The following WDFY4 variants were observed in gnomAD, a reference collection of about 807,000 sequenced individuals.
WDFY4 encodes WDFY family member 4.
In WDFY4, 169 loss-of-function variants were observed where a neutral mutation model predicts 351.9. The ratio of observed to expected loss-of-function variants is 0.48; its 90% CI spans 0.42 to 0.55. WDFY4 has a LOEUF of 0.55. Ranked by LOEUF, WDFY4 falls within the 20% of genes least tolerant of loss-of-function variation. The pLI is 0.00. For synonymous variants in WDFY4, 1,622 were observed against 1,574.6 expected, an observed-to-expected ratio of 1.03 and a Z score of -0.71; for missense variants, 3,803 against 3,935.6, an observed-to-expected ratio of 0.97 and a Z score of 0.90.
chr10:48,943,575 A>C, intron 49 of WDFY4, 126 bp downstream of exon 49: 1 of 958,188 alleles, frequency 1.0e-6, no homozygotes, highest in Non-Finnish European at 1.5e-6. Flanking sequence ...ACCTGGGCCT[A>C]AAGGCTGCTG....
chr10:48,943,814 C>T (rs1840907555), intron 49 of WDFY4, among the ~76,000 whole-genome samples: 1 of 152,234 alleles, frequency 6.6e-6, no homozygotes. Flanking sequence ...AGGCTGGTCT[C>T]GAACTCCTGA....
rs533048924 is a variant in WDFY4 at position 48,819,386 on chromosome 10, C to T, written c.5506-848C>T. Among the ~76,000 whole-genome samples, 19 of 152,316 alleles carry T rather than the reference C, an allele frequency of 1.2e-4. No homozygotes were observed. The South Asian group carries it at 3.9e-3, about 32-fold the overall frequency. ...TGGCATCTTTCCAATCAAGGCCGCA[C>T]GGAGCTAATTAATGCAGTCACTACC... On this transcript the variant is annotated intron_variant, in intron 32 of 61. Coordinates refer to ENST00000325239, the MANE Select transcript of WDFY4 (RefSeq NM_001394531.1).
intron 49 of WDFY4, among the ~76,000 whole-genome samples, chr10:48,943,957 C>A (rs1239637412): frequency 1.3e-5 from 2 of 152,158 alleles, no homozygotes; most frequent in Non-Finnish European, 2.9e-5. Context: ...GTCCTGGATC[C>A]CCCTGTGGAA....
chr10:48,736,046 G>A lies in WDFY4; in HGVS notation c.1854G>A (p.Leu618=), dbSNP rs1423080198. 6.4e-7 allele frequency: 1 copy of A among 1,551,690 alleles called. No homozygotes were observed. Among genetic ancestry groups the A allele is most frequent in the African/African-American group, 1.4e-5 (1 of 73,064 alleles). Residue 618 remains leucine (L), a synonymous_variant, in exon 11 of 62, where the codon CTG becomes CTA. Coordinates refer to ENST00000325239, the MANE Select transcript of WDFY4 (RefSeq NM_001394531.1). Reference sequence around the variant, plus strand: ...TATGCTCATCCACTCAAGGGGAGCTGCAGCTGAAACTGGATCTCCTGAAGG... The same window carrying A: ...TATGCTCATCCACTCAAGGGGAGCTACAGCTGAAACTGGATCTCCTGAAGG... The part of the protein sequence containing the change: ...GALCSSTQGE[L]QLKLDLLKSL...
intron 2 of WDFY4, among the ~76,000 whole-genome samples, 154 bp from the exon 3 acceptor site, chr10:48,719,857 G>T (rs2132267307): frequency 6.6e-6 from 1 of 152,338 alleles, no homozygotes. Context: ...GATGGTTGAG[G>T]CTGTGAGGGT....
intron 1 of WDFY4, among the ~76,000 whole-genome samples, chr10:48,692,353 T>C (rs1326902073): frequency 6.6e-6 from 1 of 152,048 alleles, no homozygotes; most frequent in Non-Finnish European, 1.5e-5. Flanking sequence ...ACAGTGCCCC[T>C]AGGTGAGTCT....
At chr10:48,871,654 T>C (rs1413890946) in intron 40 of WDFY4, among the ~76,000 whole-genome samples, 1 of 152,180 alleles carries the variant, frequency 6.6e-6, no homozygotes, top group Non-Finnish European at 1.5e-5. Context: ...TCTTTAATTT[T>C]TTTGTAGAGA....
At chr10:48,817,070 A>G (rs2067644276) in intron 31 of WDFY4, among the ~76,000 whole-genome samples, 175 bp from the exon 32 acceptor site, 1 of 152,246 alleles carries the variant, frequency 6.6e-6, no homozygotes, top group Non-Finnish European at 1.5e-5. Context: ...ACGTCTGCAC[A>G]TATTAAACCC....
At chr10:48,686,028 G>T (rs558078396) in intron 1 of WDFY4, among the ~76,000 whole-genome samples, 1 of 152,172 alleles carries the variant, frequency 6.6e-6, no homozygotes, top group African/African-American at 2.4e-5. Context: ...AGGAGACCTC[G>T]TGGAGGTTGG....
chr10:48,969,327 A>G lies in WDFY4; in HGVS notation c.8769+79A>G, dbSNP rs993395033. ...CTGGAGGCAGAGATGGCCCAGAGATAAGTGAGTCCAAAGCAACCTCGCTCA... is the reference window on the plus strand; with the variant it reads ...CTGGAGGCAGAGATGGCCCAGAGATGAGTGAGTCCAAAGCAACCTCGCTCA... On this transcript the variant is annotated intron_variant, in intron 56 of 61. Transcript: ENST00000325239. 6.5e-5 allele frequency: 97 copies of G among 1,497,212 alleles called. No individual in the cohort carries two copies. In the African/African-American group the frequency reaches 1.3e-3, roughly 19 times the overall value. The allele number at this position is 1,497,212 out of a possible 1,614,324, so 92.7% of individuals were successfully genotyped here.
chr10:48,979,455 C>T (rs1396862254), intron 60 of WDFY4, among the ~76,000 whole-genome samples: 2 of 152,220 alleles, frequency 1.3e-5, no homozygotes, highest in South Asian at 2.1e-4. Context: ...CAAATGCCCA[C>T]TTTTGAAGCT....
At chr10:48,955,405 C>T (rs940145248) in intron 51 of WDFY4, among the ~76,000 whole-genome samples, 2 of 152,234 alleles carry the variant, frequency 1.3e-5, no homozygotes, top group African/African-American at 4.8e-5. Flanking sequence ...CCATGACCCT[C>T]AAGATGTCCA....
intron 34 of WDFY4, among the ~76,000 whole-genome samples, chr10:48,821,743 T>C (rs1482810257): frequency 6.6e-6 from 1 of 152,194 alleles, no homozygotes; most frequent in African/African-American, 2.4e-5. Context: ...GACTTCTCCT[T>C]GCCTCCTACT....
rs2064080040 is a variant in WDFY4, at chr10:48,721,283, A to G, written c.372A>G (p.Gly124=). 5 of 1,551,474 alleles carry G rather than the reference A, an allele frequency of 3.2e-6. No individual in the cohort carries two copies. Among genetic ancestry groups the G allele is most frequent in the Non-Finnish European group, 4.4e-6 (5 of 1,146,972 alleles). ...CAGAGCAAGCTCGGTTGGCAGCTGGACAGTTGCTGTGGTGGAAGGGGGACG... is the reference window on the plus strand; with the variant it reads ...CAGAGCAAGCTCGGTTGGCAGCTGGGCAGTTGCTGTGGTGGAAGGGGGACG... The part of the protein sequence containing the change: ...KPAEQARLAA[G]QLLWWKGDVD... Residue 124 remains glycine, a synonymous_variant, in exon 4 of 62, where the codon GGA becomes GGG. Coordinates refer to ENST00000325239, the MANE Select transcript of WDFY4 (RefSeq NM_001394531.1).
intron 47 of WDFY4, among the ~76,000 whole-genome samples, chr10:48,924,724 C>T (rs1481033176): frequency 6.6e-6 from 1 of 152,128 alleles, no homozygotes; most frequent in East Asian, 1.9e-4. Flanking sequence ...TGGTGGGATA[C>T]CCCATGGATA....
At chr10:48,865,111 TG>T (rs2133241918) in intron 39 of WDFY4, among the ~76,000 whole-genome samples, 1 of 152,330 alleles carries the variant, frequency 6.6e-6, no homozygotes, top group East Asian at 1.9e-4. Flanking sequence ...CTAGAAGTGT[TG>T]AAAGTGGACA....
At position 48,787,936 on chromosome 10, in the gene WDFY4, CT is replaced by C. The variant is rs1565198997; in HGVS notation, c.3809-592del. 2.6e-3 allele frequency among the ~76,000 whole-genome samples: 254 copies of C among 98,360 alleles called. 2 individuals carry two copies. Among genetic ancestry groups the C allele is most frequent in the South Asian group, 7.8e-3 (21 of 2,676 alleles). The allele number at this position is 98,360 out of a possible 152,430, so 64.5% of individuals were successfully genotyped here. ...TCTTCTTCTTCTTCTTCTTCTTCTT[CT>C]TCTTCTTCTTCTTCTTCTTCTTCTT... On this transcript the variant is annotated intron_variant, in intron 20 of 61. Transcript: ENST00000325239.
chr10:48,877,429 T>C (rs188594931), intron 43 of WDFY4, among the ~76,000 whole-genome samples: 32 of 152,296 alleles, frequency 2.1e-4, no homozygotes, highest in African/African-American at 6.5e-4. Flanking sequence ...ATTTAATAGG[T>C]GTACCACAAA....
intron 19 of WDFY4, among the ~76,000 whole-genome samples, chr10:48,782,714 T>A (rs990959051): frequency 6.6e-6 from 1 of 152,258 alleles, no homozygotes; most frequent in African/African-American, 2.4e-5. Flanking sequence ...TTAATTTGAC[T>A]AGTTTAACAG....
Sources: allele counts gnomAD v4.1 joint callset (sites outside exome capture counted in the v4.1 genomes callset), GRCh38; gene constraint gnomAD v4.1.1; transcripts MANE v1.5; gene names NCBI Gene and HGNC (gene_info 2026-07-23, HGNC 2026-07-21).